ARL3: variants seen among roughly 807,000 people sequenced by gnomAD.
The protein encoded by ARL3 is ADP-ribosylation factor-like protein 3.
A neutral mutation model predicts 26.0 loss-of-function variants in ARL3; 9 were observed. The ratio of observed to expected loss-of-function variants is 0.35; its 90% CI spans 0.21 to 0.60. The LOEUF is 0.60. Among genes scored for constraint, ARL3 ranks in the 20% least tolerant of loss-of-function variants. ARL3 has a pLI of 0.78. For synonymous variants in ARL3, 71 were observed against 78.4 expected, an observed-to-expected ratio of 0.91 and a Z score of 0.50; for missense variants, 158 against 215.7, an observed-to-expected ratio of 0.73 and a Z score of 1.67.
intron 3 of ARL3, among the ~76,000 whole-genome samples, chr10:102,694,278 C>T (rs1197566083): frequency 2.0e-5 from 3 of 152,180 alleles, no homozygotes; most frequent in Non-Finnish European, 4.4e-5. Context: ...CATGAGCCAC[C>T]GCGCCCGGCT....
At chr10:102,681,539 C>T (rs747030762) in intron 5 of ARL3, among the ~76,000 whole-genome samples, 17 of 152,262 alleles carry the variant, frequency 1.1e-4, no homozygotes, top group Non-Finnish European at 2.2e-4. Context: ...GCTCGGCGCT[C>T]GGACTGCTCA....
In ARL3 at chr10:102,676,729, A is replaced by G. The variant is rs775565493; in HGVS notation, c.*165T>C. The G allele has an allele frequency of 5.9e-6, 4 of 672,818 alleles. No homozygotes were observed. Among genetic ancestry groups the G allele is most frequent in the African/African-American group, 1.8e-5 (1 of 55,866 alleles). 41.7% of individuals were successfully genotyped at this position (672,818 alleles called of 1,614,324 possible). The stretch of plus-strand genomic sequence containing the variant: ...ATACTGAACCTCAGAGATCAGTTAA[A>G]TCTACTGCTGGAATGGGGATTCTTT... On this transcript the variant is annotated 3_prime_UTR_variant, in exon 6 of 6. Coordinates refer to ENST00000260746, the MANE Select transcript of ARL3 (RefSeq NM_004311.4).
chr10:102,692,067 G>A (rs1384606043), intron 3 of ARL3, among the ~76,000 whole-genome samples: 1 of 152,146 alleles, frequency 6.6e-6, no homozygotes, highest in Non-Finnish European at 1.5e-5. Flanking sequence ...GTGTTGCTGT[G>A]AACCGATTTT....
intron 5 of ARL3, among the ~76,000 whole-genome samples, chr10:102,684,844 T>C (rs917779219): frequency 1.3e-5 from 2 of 151,512 alleles, no homozygotes; most frequent in African/African-American, 4.8e-5. Flanking sequence ...GGTTTCACCA[T>C]GTTGGCCAGG....
chr10:102,694,280 C>T (rs1484820217), intron 3 of ARL3, among the ~76,000 whole-genome samples: 7 of 152,228 alleles, frequency 4.6e-5, no homozygotes, highest in African/African-American at 7.2e-5. Flanking sequence ...TGAGCCACCG[C>T]GCCCGGCTGC....
chr10:102,708,908 A>ATT lies in ARL3; in HGVS notation c.4-3421_4-3420dup, dbSNP rs1554864095. ...ATATTATATATATATATATATATAT[A>ATT]TTTTTTTTTTTTTTGAGACAAGGTC... On this transcript the variant is annotated intron_variant, in intron 1 of 5. Transcript: ENST00000260746. Among the ~76,000 whole-genome samples, 490 of 95,320 alleles carry ATT rather than the reference A, an allele frequency of 5.1e-3. 7 individuals carry two copies. The highest frequency in any genetic ancestry group is 6.6e-3 in the Non-Finnish European group (335 of 50,404). The allele number at this position is 95,320 out of a possible 152,430, so 62.5% of individuals were successfully genotyped here.
chr10:102,694,723 T>C (rs1055319307), intron 3 of ARL3, among the ~76,000 whole-genome samples: 2 of 152,178 alleles, frequency 1.3e-5, no homozygotes, highest in African/African-American at 4.8e-5. Flanking sequence ...GTATGCTGTC[T>C]TCTTTTTTTT....
At chr10:102,691,027 AC>A (rs946655034) in intron 3 of ARL3, among the ~76,000 whole-genome samples, 3 of 151,804 alleles carry the variant, frequency 2.0e-5, no homozygotes, top group African/African-American at 7.3e-5. Flanking sequence ...AGTTTAGAGA[AC>A]CATTTAATTT....
At chr10:102,681,735 C>T (rs1053616192) in intron 5 of ARL3, among the ~76,000 whole-genome samples, 5 of 152,174 alleles carry the variant, frequency 3.3e-5, no homozygotes, top group African/African-American at 4.8e-5. Flanking sequence ...GGCAAGTCTC[C>T]GTGGTGACCA....
At chr10:102,692,694 G>A (rs2064225216) in intron 3 of ARL3, among the ~76,000 whole-genome samples, 1 of 149,550 alleles carries the variant, frequency 6.7e-6, no homozygotes, top group South Asian at 2.1e-4. Flanking sequence ...GGGATTACAG[G>A]TGTGAGCCCT....
intron 1 of ARL3, among the ~76,000 whole-genome samples, chr10:102,709,284 ACT>A (rs2064325922): frequency 6.6e-6 from 1 of 151,240 alleles, no homozygotes; most frequent in Non-Finnish European, 1.5e-5. Flanking sequence ...TACTAAAAAT[ACT>A]GTTTTTTTTT....
chr10:102,696,965 A>G (rs1306469516), intron 3 of ARL3, among the ~76,000 whole-genome samples: 1 of 152,206 alleles, frequency 6.6e-6, no homozygotes, highest in Non-Finnish European at 1.5e-5. Flanking sequence ...AACATCATAC[A>G]GTGTACTTAC....
intron 3 of ARL3, among the ~76,000 whole-genome samples, chr10:102,692,574 C>T (rs1158033365): frequency 6.6e-6 from 1 of 152,076 alleles, no homozygotes; most frequent in Admixed American, 6.6e-5. Flanking sequence ...TGCCACCACA[C>T]CTGGCTAATT....
intron 5 of ARL3, among the ~76,000 whole-genome samples, chr10:102,679,708 G>T (rs1330747768): frequency 6.6e-6 from 1 of 152,216 alleles, no homozygotes; most frequent in Non-Finnish European, 1.5e-5. Context: ...CCTCCCTGCA[G>T]CTCCGATAGT....
chr10:102,692,091 G>A (rs930236461), intron 3 of ARL3, among the ~76,000 whole-genome samples: 1 of 152,156 alleles, frequency 6.6e-6, no homozygotes, highest in Non-Finnish European at 1.5e-5. Context: ...TGGATTGTAC[G>A]TTAATTCCCA....
chr10:102,714,197 A>G, intron 1 of ARL3, 76 bp downstream of exon 1: 1 of 1,304,184 alleles, frequency 7.7e-7, no homozygotes, highest in South Asian at 3.2e-5. Flanking sequence ...CTTTAAGCGC[A>G]GTGCTCCGCC....
intron 2 of ARL3, among the ~76,000 whole-genome samples, chr10:102,701,169 G>T (rs573811213): frequency 7.2e-5 from 11 of 152,286 alleles, no homozygotes; most frequent in Non-Finnish European, 1.0e-4. Flanking sequence ...GGGGTTCCCA[G>T]AGAATGTATT....
intron 1 of ARL3, among the ~76,000 whole-genome samples, chr10:102,706,619 A>G (rs1308064244): frequency 6.6e-6 from 1 of 152,188 alleles, no homozygotes; most frequent in Non-Finnish European, 1.5e-5. Context: ...CATAAAAGGC[A>G]TCCATGAAGC....
chr10:102,692,541 G>C (rs903548636), intron 3 of ARL3, among the ~76,000 whole-genome samples: 1 of 146,036 alleles, frequency 6.8e-6, no homozygotes, highest in Non-Finnish European at 1.5e-5. Flanking sequence ...TCAGCTTCTC[G>C]AGGAGCTGGG....
Sources: allele counts gnomAD v4.1 joint callset (sites outside exome capture counted in the v4.1 genomes callset), GRCh38; gene constraint gnomAD v4.1.1; transcripts MANE v1.5; gene names NCBI Gene and HGNC (gene_info 2026-07-23, HGNC 2026-07-21).